The following SPIRE2 variants were observed in gnomAD, a reference collection of about 807,000 sequenced individuals.
The protein encoded by SPIRE2 is spire type actin nucleation factor 2, also known as protein spire homolog 2.
SPIRE2 carries 76 observed loss-of-function variants against 80.7 expected under a neutral mutation model. The observed-to-expected ratio is 0.94, with a 90% CI of 0.78 to 1.14. SPIRE2 has a LOEUF of 1.14. SPIRE2 is among the 50% of genes most tolerant of loss of function. The pLI is 0.00. For synonymous variants in SPIRE2, 535 were observed against 432.6 expected (o/e 1.24, Z -2.94); for missense variants, 1,196 against 1,015.3 (o/e 1.18, Z -2.42).
intron 1 of SPIRE2, among the ~76,000 whole-genome samples, chr16:89,834,173 A>G (rs1365694355): frequency 7.1e-6 from 1 of 140,698 alleles, no homozygotes; most frequent in Non-Finnish European, 1.6e-5. Context: ...TGGCCGTCGT[A>G]GAAGCCTGGA....
intron 5 of SPIRE2, among the ~76,000 whole-genome samples, chr16:89,854,939 A>T (rs1014324359): frequency 6.7e-6 from 1 of 149,812 alleles, no homozygotes; most frequent in African/African-American, 2.5e-5. Context: ...AGGCTGTAGG[A>T]TTTTTTTTTT....
At chr16:89,847,052 T>C (rs2143799818) in intron 2 of SPIRE2, 1 of 151,326 alleles carries the variant, frequency 6.6e-6, no homozygotes, top group Admixed American at 6.6e-5. Context: ...TTATTAAACA[T>C]GGTGGTATAC....
chr16:89,836,318 G>A, intron 1 of SPIRE2: 2 of 452,254 alleles, frequency 4.4e-6, no homozygotes, highest in East Asian at 1.4e-4. Flanking sequence ...CAGGTTCTGG[G>A]GTTAGAACAC....
Position 89,854,484 on chromosome 16 carries a change from C to T in SPIRE2, c.727-3C>T. 1 of 1,612,072 alleles carries T rather than the reference C, an allele frequency of 6.2e-7. No homozygotes were observed. Among genetic ancestry groups the T allele is most frequent in the Non-Finnish European group, 8.5e-7 (1 of 1,179,466 alleles). On this transcript the variant is annotated splice_polypyrimidine_tract_variant and splice_region_variant and intron_variant, in intron 4 of 14. Transcript: ENST00000378247. ...AGACCCATTCTCTTCCCCTGGGGCC[C>T]AGGCCCGACTGTGGGTTCAGCTCAT...
chr16:89,857,693 C>A lies in SPIRE2; in HGVS notation c.1103-645C>A, dbSNP rs538861592. ...TCAAGCGATTCTCCTGCCTCAGCCT[C>A]CCGGGTAGCTGGGATTACAGGCACG... On this transcript the variant is annotated intron_variant, in intron 7 of 14. Coordinates refer to ENST00000378247, the MANE Select transcript of SPIRE2 (RefSeq NM_032451.2). 1.1e-4 allele frequency among the ~76,000 whole-genome samples: 17 copies of A among 151,406 alleles called. No individual in the cohort carries two copies. In the East Asian group the frequency reaches 2.9e-3, roughly 26 times the overall value.
intron 1 of SPIRE2, among the ~76,000 whole-genome samples, chr16:89,839,661 G>A (rs2041485201): frequency 6.6e-6 from 1 of 152,224 alleles, no homozygotes. Context: ...CAGCGTTTAA[G>A]CAGCGGCCAC....
chr16:89,839,611 C>T (rs1567670199), intron 1 of SPIRE2, among the ~76,000 whole-genome samples: 1 of 152,132 alleles, frequency 6.6e-6, no homozygotes, highest in Admixed American at 6.6e-5. Context: ...GCAGGAAACC[C>T]CTGGAGGCGG....
At chr16:89,832,547 C>G (rs1204366220) in intron 1 of SPIRE2, among the ~76,000 whole-genome samples, 1 of 152,078 alleles carries the variant, frequency 6.6e-6, no homozygotes, top group Non-Finnish European at 1.5e-5. Flanking sequence ...AACCAGGTGG[C>G]TTCTGTTAGC....
chr16:89,833,847 C>G (rs924274088), intron 1 of SPIRE2, among the ~76,000 whole-genome samples: 1 of 152,118 alleles, frequency 6.6e-6, no homozygotes, highest in Admixed American at 6.5e-5. Context: ...TCCTCCGGGG[C>G]GTGTTTCCCT....
At chr16:89,849,791 G>C (rs2041603488) in intron 2 of SPIRE2, 1 of 269,070 alleles carries the variant, frequency 3.7e-6, no homozygotes, top group Non-Finnish European at 7.3e-6. Context: ...GCTGAGTTAA[G>C]AGGTCGCTAC....
intron 1 of SPIRE2, among the ~76,000 whole-genome samples, chr16:89,835,775 AGCCTCGCCT>A (rs981997734): frequency 6.6e-6 from 1 of 152,216 alleles, no homozygotes; most frequent in Non-Finnish European, 1.5e-5. Flanking sequence ...GGAAGGGCCC[AGCCTCGCCT>A]GGCTTCTCTG....
intron 1 of SPIRE2, among the ~76,000 whole-genome samples, chr16:89,834,641 C>G (rs1390583787): frequency 4.5e-4 from 46 of 102,984 alleles, no homozygotes; most frequent in Admixed American, 7.4e-4. Context: ...TTGTAGAAGC[C>G]TGGATAAGCA....
chr16:89,868,832 G>C (rs1460142845), intron 13 of SPIRE2, among the ~76,000 whole-genome samples: 2 of 151,734 alleles, frequency 1.3e-5, no homozygotes, highest in South Asian at 2.1e-4. Context: ...TACAGCCTGG[G>C]TGACAGAGAC....
chr16:89,869,376 C>T (rs1429520551), intron 13 of SPIRE2, among the ~76,000 whole-genome samples, 191 bp from the exon 14 acceptor site: 2 of 152,038 alleles, frequency 1.3e-5, no homozygotes, highest in Non-Finnish European at 2.9e-5. Flanking sequence ...GTGCAGCAAG[C>T]AGGAACCCCG....
chr16:89,851,009 C>T (rs190532485), intron 3 of SPIRE2, among the ~76,000 whole-genome samples: 3 of 152,044 alleles, frequency 2.0e-5, no homozygotes, highest in East Asian at 3.9e-4. Flanking sequence ...GTAGTAGAGA[C>T]GGGGTTTCAC....
rs1015840583 is a variant in SPIRE2, at chr16:89,855,759, G to A, written c.978+73G>A. On this transcript the variant is annotated intron_variant, in intron 6 of 14. Coordinates refer to ENST00000378247, the MANE Select transcript of SPIRE2 (RefSeq NM_032451.2). ...CTGTCCTGTAGCCAGCCTGGGAGGT[G>A]TCCCAGCACGTCTTCCTGTGGCCAG... is the stretch of plus-strand genomic sequence containing the variant. 67 of 1,432,412 alleles carry A rather than the reference G, an allele frequency of 4.7e-5. 1 individual carries two copies. The highest frequency in any genetic ancestry group is 3.6e-4 in the Middle Eastern group (2 of 5,590). 88.7% of individuals were successfully genotyped at this position (1,432,412 alleles called of 1,614,324 possible). A position where few individuals can be genotyped will look rare whatever the true frequency, so the allele number is the denominator to read the frequency against.
intron 6 of SPIRE2, 63 bp from the exon 7 acceptor site, chr16:89,856,050 C>T (rs1479556852): frequency 7.6e-6 from 12 of 1,586,566 alleles, no homozygotes; most frequent in East Asian, 2.3e-5. Context: ...TTCCCCACCG[C>T]AGGTCCCGCT....
chr16:89,868,357 C>T (rs528472924), intron 13 of SPIRE2, 141 bp downstream of exon 13: 2 of 916,164 alleles, frequency 2.2e-6, no homozygotes, highest in African/African-American at 1.7e-5. Context: ...CTATACTTTC[C>T]AAGATAGTGT....
chr16:89,860,211 A>G (rs1440726066), intron 9 of SPIRE2, among the ~76,000 whole-genome samples: 1 of 152,136 alleles, frequency 6.6e-6, no homozygotes, highest in Non-Finnish European at 1.5e-5. Flanking sequence ...TGGACCCTCT[A>G]TACCACATGG....
Sources: allele counts gnomAD v4.1 joint callset (sites outside exome capture counted in the v4.1 genomes callset), GRCh38; gene constraint gnomAD v4.1.1; transcripts MANE v1.5; gene names NCBI Gene and HGNC (gene_info 2026-07-23, HGNC 2026-07-21).